The following FNIP1 variants were observed in gnomAD, a reference collection of about 807,000 sequenced individuals.
FNIP1 encodes the protein folliculin interacting protein 1, also known as folliculin-interacting protein 1.
A neutral mutation model predicts 124.5 loss-of-function variants in FNIP1; 40 were observed. The observed-to-expected ratio is 0.32, with a 90% CI of 0.25 to 0.42. FNIP1 has a LOEUF of 0.42. FNIP1 is among the 10% of genes least tolerant of loss of function. The pLI is 1.00. For synonymous variants in FNIP1, 472 were observed against 470.6 expected (o/e 1.00, Z -0.04); for missense variants, 1,176 against 1,403.7 (o/e 0.84, Z 2.59).
intron 1 of FNIP1, among the ~76,000 whole-genome samples, chr5:131,760,542 A>T (rs1771192414): frequency 6.6e-6 from 1 of 152,138 alleles, no homozygotes; most frequent in South Asian, 2.1e-4. Flanking sequence ...ACCTCTAGTT[A>T]GCATCAGAGG....
intron 2 of FNIP1, 42 bp from the exon 3 acceptor site, chr5:131,731,080 T>A: frequency 6.4e-7 from 1 of 1,560,898 alleles, no homozygotes; most frequent in Non-Finnish European, 8.7e-7. Context: ...AACAGATTTT[T>A]AACCATATAC....
At chr5:131,671,361 C>T in intron 14 of FNIP1, 144 bp downstream of exon 14, 1 of 704,444 alleles carries the variant, frequency 1.4e-6, no homozygotes, top group Non-Finnish European at 2.3e-6. Flanking sequence ...AGCCTTTACT[C>T]CTTCTTATGA....
intron 1 of FNIP1, among the ~76,000 whole-genome samples, chr5:131,759,962 T>C (rs1771171205): frequency 6.6e-6 from 1 of 152,250 alleles, no homozygotes; most frequent in Non-Finnish European, 1.5e-5. Context: ...CTGGAAGCCA[T>C]AATCCTAAGT....
At chr5:131,676,665 A>C (rs989788793) in intron 13 of FNIP1, among the ~76,000 whole-genome samples, 2 of 152,112 alleles carry the variant, frequency 1.3e-5, no homozygotes, top group African/African-American at 4.8e-5. Context: ...TGACTAAGGT[A>C]GGGAGATCAT....
At chr5:131,755,159 G>A (rs1421668880) in intron 1 of FNIP1, among the ~76,000 whole-genome samples, 2 of 152,180 alleles carry the variant, frequency 1.3e-5, no homozygotes, top group Non-Finnish European at 2.9e-5. Flanking sequence ...AGTGGCTCAC[G>A]CCTGTAATCC....
chr5:131,759,182 T>C (rs569907503), intron 1 of FNIP1, among the ~76,000 whole-genome samples: 85 of 152,242 alleles, frequency 5.6e-4, no homozygotes, highest in Admixed American at 5.0e-3. Flanking sequence ...CTTCTCGACA[T>C]TGGCCTTGGC....
intron 1 of FNIP1, among the ~76,000 whole-genome samples, chr5:131,782,365 G>A (rs557979014): frequency 1.1e-4 from 16 of 152,012 alleles, no homozygotes; most frequent in Admixed American, 6.5e-4. Flanking sequence ...CCTTGGCAAC[G>A]CAGTGAAACC....
chr5:131,687,080 C>A (rs1580754770), intron 11 of FNIP1, among the ~76,000 whole-genome samples: 1 of 143,400 alleles, frequency 7.0e-6, no homozygotes. Flanking sequence ...AAGTCTAGAT[C>A]AATTTAGGTT....
In FNIP1 at chr5:131,661,982, C is replaced by A. The variant is rs560293356; in HGVS notation, c.3108+8481G>T. Among the ~76,000 whole-genome samples the A allele has an allele frequency of 3.5e-4, 54 of 152,294 alleles. 1 individual carries two copies. The South Asian group carries it at 0.011, about 30-fold the overall frequency. The stretch of plus-strand genomic sequence containing the variant: ...GAAACAAAAACTAAATGAGGCTTCC[C>A]TCTAATCTTGTTTTACATCCTTGAG... On this transcript the variant is annotated intron_variant, in intron 15 of 17. Transcript: ENST00000510461.
chr5:131,785,313 G>C (rs1390257280), intron 1 of FNIP1, among the ~76,000 whole-genome samples: 2 of 151,572 alleles, frequency 1.3e-5, no homozygotes, highest in Admixed American at 1.3e-4. Flanking sequence ...CCAGCACTCT[G>C]GGAGGTTGAG....
chr5:131,656,937 A>G (rs1053830607), intron 15 of FNIP1, among the ~76,000 whole-genome samples: 1 of 149,510 alleles, frequency 6.7e-6, no homozygotes, highest in African/African-American at 2.5e-5. Flanking sequence ...AAAGATAAAC[A>G]CCAGCCCTGC....
At chr5:131,747,519 T>G (rs951603407) in intron 1 of FNIP1, among the ~76,000 whole-genome samples, 2 of 152,048 alleles carry the variant, frequency 1.3e-5, no homozygotes, top group Non-Finnish European at 2.9e-5. Flanking sequence ...AAGGAAACTG[T>G]AAAGGAACAG....
intron 2 of FNIP1, among the ~76,000 whole-genome samples, chr5:131,739,934 T>C (rs74875573): frequency 3.3e-5 from 5 of 151,960 alleles, no homozygotes; most frequent in Admixed American, 1.3e-4. Context: ...CAACCAATCA[T>C]TGCTAATTTT....
At chr5:131,749,578 CAT>C (rs1056515724) in intron 1 of FNIP1, among the ~76,000 whole-genome samples, 5 of 151,742 alleles carry the variant, frequency 3.3e-5, no homozygotes, top group African/African-American at 1.2e-4. Context: ...TTTTAGTAGA[CAT>C]GTGGTTCCAC....
At chr5:131,695,546 A>T (rs1226837849) in intron 11 of FNIP1, among the ~76,000 whole-genome samples, 1 of 152,252 alleles carries the variant, frequency 6.6e-6, no homozygotes, top group South Asian at 2.1e-4. Flanking sequence ...AAGATGCACG[A>T]AAATCAGACT....
chr5:131,743,369 A>T (rs1770572219), intron 2 of FNIP1, among the ~76,000 whole-genome samples: 1 of 151,870 alleles, frequency 6.6e-6, no homozygotes, highest in South Asian at 2.1e-4. Flanking sequence ...GAAGAGAGTC[A>T]ATGTATTACT....
At chr5:131,722,723 T>G (rs1333762279) in intron 3 of FNIP1, among the ~76,000 whole-genome samples, 1 of 152,232 alleles carries the variant, frequency 6.6e-6, no homozygotes, top group Non-Finnish European at 1.5e-5. Context: ...CTTGCTCTTG[T>G]CGCCCAGGCT....
At chr5:131,755,213 G>A (rs1771007128) in intron 1 of FNIP1, among the ~76,000 whole-genome samples, 1 of 152,086 alleles carries the variant, frequency 6.6e-6, no homozygotes, top group Non-Finnish European at 1.5e-5. Context: ...CTGAGATGAG[G>A]AGTTTGAGAT....
intron 11 of FNIP1, among the ~76,000 whole-genome samples, chr5:131,695,425 T>G (rs1318089242): frequency 6.6e-6 from 1 of 152,214 alleles, no homozygotes; most frequent in Non-Finnish European, 1.5e-5. Flanking sequence ...TTGTTTCGTT[T>G]TGCTGTCCCC....
Sources: allele counts gnomAD v4.1 joint callset (sites outside exome capture counted in the v4.1 genomes callset), GRCh38; gene constraint gnomAD v4.1.1; transcripts MANE v1.5; gene names NCBI Gene and HGNC (gene_info 2026-07-23, HGNC 2026-07-21).